Variants in METTL15 observed in about 807,000 individuals in gnomAD.
METTL15 encodes the protein 12S rRNA N(4)-cytidine methyltransferase METTL15.
In METTL15, 34 loss-of-function variants were observed where a neutral mutation model predicts 38.3. The ratio of observed to expected loss-of-function variants is 0.89; its 90% CI spans 0.68 to 1.18. METTL15 has a LOEUF of 1.18. Ranked by LOEUF, METTL15 falls within the 50% of genes most tolerant of loss-of-function variation. The probability of loss-of-function intolerance (pLI) is 0.00; values close to 1 mark genes in which losing one functional copy is unlikely to be tolerated. For missense variants in METTL15, 438 were observed against 498.4 expected (o/e 0.88, Z 1.15); for synonymous variants, 162 against 170.9 (o/e 0.95, Z 0.41).
chr11:28,165,717 A>G (rs1365951156), intron 3 of METTL15, among the ~76,000 whole-genome samples: 2 of 152,090 alleles, frequency 1.3e-5, no homozygotes, highest in African/African-American at 4.8e-5. Flanking sequence ...GTTGTATAAA[A>G]AAAAAATTGC....
chr11:28,124,729 G>A (rs139717729), intron 3 of METTL15, among the ~76,000 whole-genome samples: 7 of 152,040 alleles, frequency 4.6e-5, no homozygotes, highest in Non-Finnish European at 1.0e-4. Flanking sequence ...CTCTAGCACC[G>A]AGGTACCATT....
At chr11:28,498,181 T>C (rs533471275) in intron 6 of METTL15, among the ~76,000 whole-genome samples, 1 of 152,068 alleles carries the variant, frequency 6.6e-6, no homozygotes, top group Non-Finnish European at 1.5e-5. Flanking sequence ...AACACATGAA[T>C]TCCGGGGGCA....
At chr11:28,486,473 G>A (rs1851440460) in intron 6 of METTL15, among the ~76,000 whole-genome samples, 1 of 152,052 alleles carries the variant, frequency 6.6e-6, no homozygotes, top group Non-Finnish European at 1.5e-5. Context: ...GCAGGCCCTG[G>A]AGATACTGAG....
intron 4 of METTL15, among the ~76,000 whole-genome samples, chr11:28,235,674 T>C (rs544989528): frequency 6.2e-4 from 95 of 152,198 alleles, no homozygotes; most frequent in African/African-American, 2.2e-3. Flanking sequence ...GAGACTTTGC[T>C]GAAGTTGCTT....
chr11:28,369,556 T>C (rs1450792712), intron 5 of METTL15, among the ~76,000 whole-genome samples: 3 of 151,904 alleles, frequency 2.0e-5, no homozygotes, highest in Non-Finnish European at 2.9e-5. Context: ...AAAGAGAAAA[T>C]TGACTTGTCA....
At chr11:28,189,550 C>A (rs971459100) in intron 3 of METTL15, among the ~76,000 whole-genome samples, 1 of 151,080 alleles carries the variant, frequency 6.6e-6, no homozygotes, top group African/African-American at 2.4e-5. Flanking sequence ...GTGAACAAAT[C>A]TGAATTTATC....
intron 5 of METTL15, among the ~76,000 whole-genome samples, chr11:28,407,914 A>G (rs1850687998): frequency 6.6e-6 from 1 of 152,234 alleles, no homozygotes; most frequent in South Asian, 2.1e-4. Flanking sequence ...ACAAATGCCC[A>G]TAAATGATAG....
chr11:28,108,712 C>G (rs1851591165), intron 1 of METTL15, among the ~76,000 whole-genome samples: 1 of 152,156 alleles, frequency 6.6e-6, no homozygotes, highest in Non-Finnish European at 1.5e-5. Context: ...AGGCCTACTC[C>G]CATTAGTACT....
At chr11:28,349,157 G>A (rs1188191072) in intron 3 of METTL15, among the ~76,000 whole-genome samples, 1 of 152,188 alleles carries the variant, frequency 6.6e-6, no homozygotes, top group African/African-American at 2.4e-5. Context: ...AATTTTGGCT[G>A]GGTTTATTAT....
chr11:28,242,695 A>C (rs1854351243), intron 4 of METTL15, among the ~76,000 whole-genome samples: 1 of 152,156 alleles, frequency 6.6e-6, no homozygotes, highest in South Asian at 2.1e-4. Flanking sequence ...CAACAGTTTG[A>C]AGCATTAGGA....
intron 4 of METTL15, among the ~76,000 whole-genome samples, chr11:28,226,791 A>G (rs537076433): frequency 5.3e-5 from 8 of 151,956 alleles, no homozygotes; most frequent in African/African-American, 9.7e-5. Flanking sequence ...AAACAGCCCT[A>G]TCTACCTAAA....
chr11:28,151,508 C>T (rs1371343591), intron 3 of METTL15, among the ~76,000 whole-genome samples: 3 of 151,986 alleles, frequency 2.0e-5, no homozygotes, highest in African/African-American at 7.2e-5. Context: ...ACATGCGTTA[C>T]TTCCTACTTG....
At chr11:28,138,645 A>G (rs1240173377) in intron 3 of METTL15, among the ~76,000 whole-genome samples, 1 of 152,228 alleles carries the variant, frequency 6.6e-6, no homozygotes, top group Non-Finnish European at 1.5e-5. Flanking sequence ...AGCAAATTCT[A>G]AAAGTCACAC....
intron 4 of METTL15, among the ~76,000 whole-genome samples, chr11:28,250,440 T>A (rs1854693342): frequency 6.6e-6 from 1 of 152,088 alleles, no homozygotes; most frequent in African/African-American, 2.4e-5. Flanking sequence ...ACATTATGGT[T>A]TTGATTTGCA....
chr11:28,137,794 T>A (rs879356065), intron 3 of METTL15, among the ~76,000 whole-genome samples: 4 of 152,184 alleles, frequency 2.6e-5, no homozygotes, highest in African/African-American at 4.8e-5. Context: ...TTTTATTTTT[T>A]TTTTTTCAAA....
intron 5 of METTL15, among the ~76,000 whole-genome samples, chr11:28,384,566 T>A (rs1850421554): frequency 6.6e-6 from 1 of 152,146 alleles, no homozygotes; most frequent in South Asian, 2.1e-4. Flanking sequence ...TGCCTTGGCC[T>A]CCCAACGTGC....
chr11:28,472,346 T>C (rs1400780223), intron 6 of METTL15, among the ~76,000 whole-genome samples: 1 of 152,142 alleles, frequency 6.6e-6, no homozygotes, highest in East Asian at 1.9e-4. Context: ...CTAATACAAC[T>C]GTAATTTACC....
chr11:28,259,717 G>A (rs541494223), intron 4 of METTL15, among the ~76,000 whole-genome samples: 1 of 152,220 alleles, frequency 6.6e-6, no homozygotes, highest in Admixed American at 6.5e-5. Flanking sequence ...TCCATACCAC[G>A]CCTCTACTGC....
At chr11:28,246,683 G>A (rs1044984371) in intron 4 of METTL15, among the ~76,000 whole-genome samples, 1 of 152,070 alleles carries the variant, frequency 6.6e-6, no homozygotes, top group Non-Finnish European at 1.5e-5. Flanking sequence ...ACTGTCCTGG[G>A]GCTTTTATGG....
Sources: gnomAD v4.1 joint callset for allele counts (sites outside exome capture counted in the v4.1 genomes callset) on GRCh38, gnomAD v4.1.1 for gene constraint, MANE v1.5 for transcripts, NCBI Gene and HGNC (gene_info 2026-07-23, HGNC 2026-07-21) for gene names.